GPC5: variants seen among roughly 807,000 people sequenced by gnomAD.
The protein encoded by GPC5 is glypican-5.
Under a neutral mutation model 53.9 loss-of-function variants are expected in GPC5, and 47 were observed. The observed-to-expected ratio is 0.87, with a 90% CI of 0.69 to 1.11. The LOEUF (loss-of-function observed/expected upper bound fraction) is 1.11, where lower values mean the gene tolerates loss of function less well. Ranked by LOEUF, GPC5 falls within the 50% of genes most tolerant of loss-of-function variation. GPC5 has a pLI of 0.00. For synonymous variants in GPC5, 286 were observed against 263.3 expected, an observed-to-expected ratio of 1.09 and a Z score of -0.84; for missense variants, 748 against 713.1, an observed-to-expected ratio of 1.05 and a Z score of -0.56.
At chr13:91,679,301 A>G (rs540979313) in intron 2 of GPC5, among the ~76,000 whole-genome samples, 2 of 152,282 alleles carry the variant, frequency 1.3e-5, no homozygotes, top group South Asian at 4.1e-4. Context: ...TGGGCAATAA[A>G]AGTTCTAAGA....
At chr13:91,666,128 T>C (rs1335291302) in intron 2 of GPC5, among the ~76,000 whole-genome samples, 1 of 152,242 alleles carries the variant, frequency 6.6e-6, no homozygotes, top group African/African-American at 2.4e-5. Flanking sequence ...ATCTTCTATA[T>C]AAGGGCCTTT....
intron 6 of GPC5, among the ~76,000 whole-genome samples, chr13:92,031,749 A>ATG (rs1566403186): frequency 1.6e-4 from 11 of 70,326 alleles, no homozygotes; most frequent in Non-Finnish European, 2.4e-4. Flanking sequence ...TATATAATAT[A>ATG]TATTATATTA....
At chr13:92,327,813 C>T (rs558567203) in intron 7 of GPC5, among the ~76,000 whole-genome samples, 1 of 152,134 alleles carries the variant, frequency 6.6e-6, no homozygotes, top group Non-Finnish European at 1.5e-5. Flanking sequence ...TTTCTTGCAT[C>T]ATTTTCTCCT....
intron 7 of GPC5, among the ~76,000 whole-genome samples, chr13:92,696,087 C>T (rs1192566709): frequency 6.6e-6 from 1 of 152,140 alleles, no homozygotes; most frequent in Non-Finnish European, 1.5e-5. Context: ...TTTCTTTATC[C>T]AGTCTATCGT....
At chr13:91,426,227 C>T (rs545185322) in intron 1 of GPC5, among the ~76,000 whole-genome samples, 165 of 151,826 alleles carry the variant, frequency 1.1e-3, no homozygotes, top group Middle Eastern at 3.4e-3. Context: ...AATGTCTCTA[C>T]GGCATGTCAG....
At chr13:91,471,821 A>C (rs1882652903) in intron 2 of GPC5, among the ~76,000 whole-genome samples, 1 of 151,828 alleles carries the variant, frequency 6.6e-6, no homozygotes, top group Admixed American at 6.6e-5. Flanking sequence ...GTTCCTCTTG[A>C]CCCTTTTGTT....
At chr13:91,574,599 T>C (rs1428236313) in intron 2 of GPC5, among the ~76,000 whole-genome samples, 1 of 151,882 alleles carries the variant, frequency 6.6e-6, no homozygotes, top group Non-Finnish European at 1.5e-5. Context: ...ACATGAAAAA[T>C]ATTAGAAAGT....
chr13:92,249,015 AATAATT>A (rs2042673364), intron 7 of GPC5, among the ~76,000 whole-genome samples: 1 of 152,202 alleles, frequency 6.6e-6, no homozygotes, highest in African/African-American at 2.4e-5. Flanking sequence ...ATATTTAAAA[AATAATT>A]TTATTTTTTA....
intron 7 of GPC5, among the ~76,000 whole-genome samples, chr13:92,513,463 T>C (rs1286009244): frequency 1.2e-5 from 1 of 86,668 alleles, no homozygotes; most frequent in East Asian, 4.2e-4. Flanking sequence ...AATCTAAAGC[T>C]TTTTTCTGTT....
At chr13:92,136,961 C>T (rs554585869) in intron 6 of GPC5, among the ~76,000 whole-genome samples, 5 of 152,286 alleles carry the variant, frequency 3.3e-5, no homozygotes, top group South Asian at 2.1e-4. Context: ...ACCAACTAAA[C>T]ATAAGCAGGA....
chr13:92,446,886 T>C (rs1207912937), intron 7 of GPC5: 4 of 152,154 alleles, frequency 2.6e-5, no homozygotes, highest in Non-Finnish European at 5.9e-5. Flanking sequence ...TGATCGGTGA[T>C]GTTGAGTATC....
At chr13:92,112,273 C>T (rs9589430) in intron 6 of GPC5, among the ~76,000 whole-genome samples, 10 of 151,592 alleles carry the variant, frequency 6.6e-5, no homozygotes, top group East Asian at 3.9e-4. Flanking sequence ...TAATAATTAT[C>T]GATAAGGTAA....
At chr13:92,703,054 ATT>A (rs149892231) in intron 7 of GPC5, among the ~76,000 whole-genome samples, 7,577 of 68,888 alleles carry the variant, frequency 0.11, 514 homozygotes, top group East Asian at 0.52. Context: ...ATATATATAT[ATT>A]TATTTATTTA....
At chr13:91,553,907 G>A (rs1386582785) in intron 2 of GPC5, among the ~76,000 whole-genome samples, 2 of 152,024 alleles carry the variant, frequency 1.3e-5, no homozygotes, top group Non-Finnish European at 2.9e-5. Context: ...AATGAAAGAT[G>A]CAATAGTCAA....
At chr13:91,565,791 T>C (rs999587952) in intron 2 of GPC5, among the ~76,000 whole-genome samples, 1 of 152,178 alleles carries the variant, frequency 6.6e-6, no homozygotes, top group Admixed American at 6.5e-5. Flanking sequence ...AACAGAAATT[T>C]ATTCTTTCAT....
At chr13:91,520,293 G>C (rs894176136) in intron 2 of GPC5, among the ~76,000 whole-genome samples, 2 of 152,222 alleles carry the variant, frequency 1.3e-5, no homozygotes, top group Non-Finnish European at 2.9e-5. Flanking sequence ...TGATAGGTGT[G>C]TGGTGGTCAT....
chr13:92,411,797 C>T (rs568319793), intron 7 of GPC5, among the ~76,000 whole-genome samples: 35 of 152,114 alleles, frequency 2.3e-4, no homozygotes, highest in African/African-American at 7.5e-4. Flanking sequence ...GTAAATTATC[C>T]GCGTCAAATG....
intron 5 of GPC5, among the ~76,000 whole-genome samples, chr13:91,865,931 G>A (rs1274928184): frequency 2.0e-5 from 3 of 152,092 alleles, no homozygotes; most frequent in South Asian, 2.1e-4. Flanking sequence ...GCAATAGCAC[G>A]ATCTCTGCTC....
intron 6 of GPC5, among the ~76,000 whole-genome samples, chr13:91,934,470 T>A (rs2039851377): frequency 6.6e-6 from 1 of 151,892 alleles, no homozygotes; most frequent in African/African-American, 2.4e-5. Context: ...CATAATTGCT[T>A]TCTGTGACCG....
Sources: allele counts gnomAD v4.1 joint callset (sites outside exome capture counted in the v4.1 genomes callset), GRCh38; gene constraint gnomAD v4.1.1; transcripts MANE v1.5; gene names NCBI Gene and HGNC (gene_info 2026-07-23, HGNC 2026-07-21).